Variants in ADGRE2 observed in about 807,000 individuals in gnomAD.
The protein encoded by ADGRE2 is CD97 antigen.
A neutral mutation model predicts 100.8 loss-of-function variants in ADGRE2; 83 were observed. That is an observed-to-expected ratio of 0.82 (90% CI 0.69 to 0.99). ADGRE2 has a LOEUF of 0.99. Among genes scored for constraint, ADGRE2 ranks in the 50% least tolerant of loss-of-function variants. The pLI is 0.00. For missense variants in ADGRE2, 814 were observed against 1,035.7 expected (o/e 0.79, Z 2.94); for synonymous variants, 355 against 413.0 (o/e 0.86, Z 1.70).
intron 18 of ADGRE2, among the ~76,000 whole-genome samples, chr19:14,744,336 C>T (rs1438922551): frequency 2.0e-5 from 3 of 152,114 alleles, no homozygotes; most frequent in African/African-American, 7.2e-5. Flanking sequence ...TACAACCAGG[C>T]ATGACACACA....
At chr19:14,751,375 G>T in intron 16 of ADGRE2, 61 bp downstream of exon 16, 1 of 1,287,070 alleles carries the variant, frequency 7.8e-7, no homozygotes, top group Non-Finnish European at 1.1e-6. Context: ...ATGCTATCTA[G>T]GTTCTAGCAA....
chr19:14,765,203 T>C, intron 10 of ADGRE2, 117 bp downstream of exon 10: 1 of 1,009,678 alleles, frequency 9.9e-7, no homozygotes, highest in Non-Finnish European at 1.5e-6. Flanking sequence ...ATGCTGGGAG[T>C]CAGACCAGCA....
chr19:14,758,735 A>C (rs994577733), intron 11 of ADGRE2, among the ~76,000 whole-genome samples: 1 of 152,040 alleles, frequency 6.6e-6, no homozygotes, highest in African/African-American at 2.4e-5. Flanking sequence ...ATACAAAAAA[A>C]TTAGCTGGGC....
downstream of ADGRE2, among the ~76,000 whole-genome samples, chr19:14,728,207 C>T (rs536933953): frequency 6.6e-5 from 10 of 152,158 alleles, no homozygotes; most frequent in South Asian, 1.2e-3. Flanking sequence ...AGCGAGACTC[C>T]GTCTCAAAAA....
At chr19:14,775,254 C>T (rs2044393473) in intron 2 of ADGRE2, among the ~76,000 whole-genome samples, 1 of 152,130 alleles carries the variant, frequency 6.6e-6, no homozygotes, top group Non-Finnish European at 1.5e-5. Flanking sequence ...ATCTGCCCGC[C>T]TTGGCCTCTC....
intron 20 of ADGRE2, among the ~76,000 whole-genome samples, chr19:14,740,517 A>T (rs1030688651): frequency 4.0e-5 from 6 of 149,934 alleles, no homozygotes; most frequent in Non-Finnish European, 8.9e-5. Context: ...GCTACTTGGG[A>T]GGTGGAGGCA....
Position 14,774,029 on chromosome 19 carries a change from G to C in ADGRE2, c.108C>G (p.Asp36Glu). Residue 36 changes from aspartate (D) to glutamate (E), a missense_variant, in exon 4 of 21, where the codon GAC becomes GAG. Physicochemically the swap from Asp to Glu is conservative, Grantham distance 45 (BLOSUM62 2). Around this residue, in one of 5 missense-constraint regions of ADGRE2, gnomAD observed 143 missense variants for 160.3 expected, o/e 0.89. Transcript: ENST00000315576. ...AGGCGGTGGCATTGACACACGAGGAGTCCTGAGGGCACCACCGGGCACAGC... is the reference window on the plus strand; with the variant it reads ...AGGCGGTGGCATTGACACACGAGGACTCCTGAGGGCACCACCGGGCACAGC... ...SRGCARWCPQ[D>E]SSCVNATACR... The C allele has an allele frequency of 6.2e-7, 1 of 1,613,820 alleles. No individual in the cohort carries two copies. Among genetic ancestry groups the C allele is most frequent in the Admixed American group, 1.7e-5 (1 of 59,994 alleles).
chr19:14,736,193 T>C lies in ADGRE2; in HGVS notation c.*43A>G. 1.3e-6 allele frequency: 2 copies of C among 1,576,558 alleles called. No individual in the cohort carries two copies. The highest frequency in any genetic ancestry group is 2.2e-5 in the South Asian group (2 of 90,068). On this transcript the variant is annotated 3_prime_UTR_variant, in exon 21 of 21. Coordinates refer to ENST00000315576, the MANE Select transcript of ADGRE2 (RefSeq NM_013447.4). ...CTAGATGGCTCAAAGATTGTTCAGA[T>C]TTTCCACGGGCAAAGAGGGAAGATC...
downstream of ADGRE2, among the ~76,000 whole-genome samples, chr19:14,729,918 G>A (rs2042656988): frequency 6.6e-6 from 1 of 152,138 alleles, no homozygotes; most frequent in Admixed American, 6.5e-5. Context: ...ATGCCAGTGG[G>A]ATCCCTGCTA....
intron 20 of ADGRE2, among the ~76,000 whole-genome samples, chr19:14,740,224 G>T (rs1241410636): frequency 7.8e-6 from 1 of 127,710 alleles, no homozygotes; most frequent in Admixed American, 7.1e-5. Context: ...ACTTGGATTT[G>T]TGTGTGTGTG....
Position 14,764,571 on chromosome 19 carries a change from C to T in ADGRE2, c.946G>A (p.Gly316Arg). 2 of 1,612,700 alleles carry T rather than the reference C, an allele frequency of 1.2e-6. No individual in the cohort carries two copies. Among genetic ancestry groups the T allele is most frequent in the Non-Finnish European group, 1.7e-6 (2 of 1,179,890 alleles). ...QALDELLEAP[G>R]DLETLPRLQQ... ...AAGCGGGGCAGGGTCTCCAGGTCCCCAGGGGCCTCCAGCAGCTCATCCAGC... is the reference window on the plus strand; with the variant it reads ...AAGCGGGGCAGGGTCTCCAGGTCCCTAGGGGCCTCCAGCAGCTCATCCAGC... Residue 316 changes from glycine (G) to arginine (R), a missense_variant, in exon 11 of 21, where the codon GGG becomes AGG. Physicochemically the swap from Gly to Arg is moderately radical, Grantham distance 125 (BLOSUM62 -2). This residue lies in a region of ADGRE2 where 569 missense variants were observed against 692.7 expected (regional missense o/e 0.82). Coordinates refer to ENST00000315576, the MANE Select transcript of ADGRE2 (RefSeq NM_013447.4).
At chr19:14,745,329 A>G (rs1349840005) in intron 18 of ADGRE2, among the ~76,000 whole-genome samples, 1 of 152,216 alleles carries the variant, frequency 6.6e-6, no homozygotes, top group African/African-American at 2.4e-5. Flanking sequence ...TTTTGTTAAC[A>G]TGCATAGAGT....
chr19:14,739,839 G>A (rs1801248087), intron 20 of ADGRE2, among the ~76,000 whole-genome samples: 3 of 152,096 alleles, frequency 2.0e-5, no homozygotes, highest in Admixed American at 6.6e-5. Flanking sequence ...AGTGGCTCAC[G>A]TCTGTAATCC....
At chr19:14,759,260 A>AAGC (rs1430391206) in intron 11 of ADGRE2, among the ~76,000 whole-genome samples, 1 of 152,070 alleles carries the variant, frequency 6.6e-6, no homozygotes, top group Non-Finnish European at 1.5e-5. Context: ...TCACCCGTGC[A>AAGC]AGCTTCCAGC....
In ADGRE2 at chr19:14,756,246, C is replaced by G. The variant is rs2147283702; in HGVS notation, c.1184G>C (p.Gly395Ala). The G allele has an allele frequency of 3.7e-6, 6 of 1,613,348 alleles. No homozygotes were observed. The highest frequency in any genetic ancestry group is 5.1e-6 in the Non-Finnish European group (6 of 1,179,346). Residue 395 changes from glycine (G) to alanine (A), a missense_variant, in exon 12 of 21, where the codon GGT becomes GCT. By Grantham distance (60) the Gly-to-Ala change is moderately conservative. Transcript: ENST00000315576. ...QLDWNQAQKS[G>A]DPGPSVVGLV... ...CCCATCTCAGCCATTACCTGGGTCA[C>G]CAGATTTCTGTGCCTGATTCCAGTC...
intron 7 of ADGRE2, 162 bp from the exon 8 acceptor site, chr19:14,765,966 C>T: frequency 2.6e-6 from 2 of 769,280 alleles, no homozygotes; most frequent in Non-Finnish European, 4.2e-6. Context: ...CAGGTGGGCC[C>T]CGTGCAGATG....
At chr19:14,744,037 C>A (rs34172072) in intron 18 of ADGRE2, among the ~76,000 whole-genome samples, 1 of 151,938 alleles carries the variant, frequency 6.6e-6, no homozygotes, top group Non-Finnish European at 1.5e-5. Context: ...GTCAGGAGTT[C>A]GAGACCAGCC....
chr19:14,756,472 A>G (rs1599835414), intron 11 of ADGRE2, 127 bp from the exon 12 acceptor site: 1 of 676,318 alleles, frequency 1.5e-6, no homozygotes, highest in East Asian at 2.8e-5. Flanking sequence ...ATCGGAAGAG[A>G]ATAGTGTGAG....
At chr19:14,743,308 C>T (rs575490119) in intron 20 of ADGRE2, 112 bp downstream of exon 20, 28 of 820,084 alleles carry the variant, frequency 3.4e-5, no homozygotes, top group Non-Finnish European at 4.9e-5. Flanking sequence ...TACTCAGATG[C>T]GAGCCTTTCT....
Sources: gnomAD v4.1 joint callset for allele counts (sites outside exome capture counted in the v4.1 genomes callset) on GRCh38, gnomAD v4.1.1 for gene constraint, gnomAD v4.1.1 regional missense constraint, MANE v1.5 for transcripts, NCBI Gene and HGNC (gene_info 2026-07-23, HGNC 2026-07-21) for gene names.